Variants in GTPBP4 observed in about 807,000 individuals in gnomAD.
GTPBP4 encodes GTP binding protein 4.
GTPBP4 carries 15 observed loss-of-function variants against 81.7 expected under a neutral mutation model. That is an observed-to-expected ratio of 0.18 (90% CI 0.12 to 0.28). The LOEUF (loss-of-function observed/expected upper bound fraction) is 0.28, where lower values mean the gene tolerates loss of function less well. GTPBP4 is among the 10% of genes least tolerant of loss of function. The pLI is 1.00. For synonymous variants in GTPBP4, 272 were observed against 274.6 expected (o/e 0.99, Z 0.09); for missense variants, 847 against 793.8 (o/e 1.07, Z -0.81).
chr10:1,007,389 G>A (rs7073945), intron 10 of GTPBP4: 308,023 of 311,288 alleles, frequency 0.99, 152,480 homozygotes, highest in East Asian at 1. Flanking sequence ...TAGAAGATTA[G>A]TTTCTAAAAA....
chr10:1,013,332 G>T (rs909526854), intron 14 of GTPBP4, among the ~76,000 whole-genome samples: 1 of 151,344 alleles, frequency 6.6e-6, no homozygotes, highest in African/African-American at 2.4e-5. Flanking sequence ...TCTTTAGGCC[G>T]GGCGCAGTGG....
chr10:1,015,961 G>A (rs1831984772), intron 16 of GTPBP4, 65 bp downstream of exon 16: 1 of 1,414,254 alleles, frequency 7.1e-7, no homozygotes, highest in Non-Finnish European at 9.8e-7. Flanking sequence ...ACAGGGTTCA[G>A]GGCAAACACC....
intron 13 of GTPBP4, among the ~76,000 whole-genome samples, chr10:1,010,749 C>G (rs548946478): frequency 6.7e-6 from 1 of 148,158 alleles, no homozygotes; most frequent in African/African-American, 2.5e-5. Flanking sequence ...CCTCCACCCA[C>G]CCACCCCGGA....
rs779206640 is a variant in GTPBP4, at chr10:1,019,697, CG to C, written c.*2471del. The stretch of plus-strand genomic sequence containing the variant: ...CCTGGGACAGGTAGAGGATGCTTTT[CG>C]TTTCACTGGGATCCGGGTTCAGAGT... On this transcript the variant is annotated 3_prime_UTR_variant, in exon 17 of 17. Coordinates refer to ENST00000360803, the MANE Select transcript of GTPBP4 (RefSeq NM_012341.3). The C allele has an allele frequency of 6.2e-7, 1 of 1,614,012 alleles. No homozygotes were observed. The highest frequency in any genetic ancestry group is 2.2e-5 in the East Asian group (1 of 44,838).
intron 13 of GTPBP4, among the ~76,000 whole-genome samples, chr10:1,011,316 T>C (rs146416342): frequency 6.6e-6 from 1 of 152,316 alleles, no homozygotes; most frequent in Non-Finnish European, 1.5e-5. Flanking sequence ...TTTCTTAGCA[T>C]ATAAAAGTCC....
intron 2 of GTPBP4, among the ~76,000 whole-genome samples, 176 bp from the exon 3 acceptor site, chr10:995,753 C>T (rs750821503): frequency 2.6e-5 from 4 of 152,094 alleles, no homozygotes; most frequent in Non-Finnish European, 5.9e-5. Context: ...GCACCCGCAT[C>T]CCTTCTGATG....
chr10:991,143 G>A (rs1564464678), intron 1 of GTPBP4, among the ~76,000 whole-genome samples: 1 of 152,122 alleles, frequency 6.6e-6, no homozygotes. Flanking sequence ...GAGACTGGGC[G>A]TGCCCCTCAT....
At chr10:1,013,738 G>A (rs1356876481) in intron 14 of GTPBP4, among the ~76,000 whole-genome samples, 1 of 152,250 alleles carries the variant, frequency 6.6e-6, no homozygotes, top group Non-Finnish European at 1.5e-5. Context: ...CACATGCAGG[G>A]CAGTTAACAT....
At chr10:1,011,846 G>A (rs939125397) in intron 13 of GTPBP4, among the ~76,000 whole-genome samples, 4 of 152,212 alleles carry the variant, frequency 2.6e-5, no homozygotes, top group East Asian at 1.9e-4. Context: ...TGCAGTGCGC[G>A]CTCTTGGGCG....
chr10:990,941 A>G (rs1564464619), intron 1 of GTPBP4, among the ~76,000 whole-genome samples: 1 of 151,788 alleles, frequency 6.6e-6, no homozygotes, highest in African/African-American at 2.4e-5. Flanking sequence ...GTGCAGAAGA[A>G]CGTAGAGAAG....
intron 9 of GTPBP4, 106 bp from the exon 10 acceptor site, chr10:1,006,912 G>C (rs1357167299): frequency 5.5e-6 from 4 of 721,638 alleles, no homozygotes; most frequent in African/African-American, 1.7e-5. Flanking sequence ...TAGTTACCTT[G>C]AGGGAAAAGG....
At chr10:996,406 A>G in intron 4 of GTPBP4, 164 bp downstream of exon 4, 1 of 493,732 alleles carries the variant, frequency 2.0e-6, no homozygotes, top group South Asian at 4.7e-5. Context: ...GTTTTTATTG[A>G]AAATAAATAC....
chr10:1,016,079 C>G (rs1235117142), intron 16 of GTPBP4, among the ~76,000 whole-genome samples, 183 bp downstream of exon 16: 2 of 152,224 alleles, frequency 1.3e-5, no homozygotes, highest in African/African-American at 4.8e-5. Flanking sequence ...GTGGATGCCC[C>G]TGACAGCTGC....
chr10:997,989 A>C (rs1430213412), intron 5 of GTPBP4, among the ~76,000 whole-genome samples: 1 of 152,246 alleles, frequency 6.6e-6, no homozygotes, highest in Non-Finnish European at 1.5e-5. Context: ...TTAAAATGTG[A>C]ATTTACAACC....
chr10:1,008,218 G>C, intron 10 of GTPBP4: 1 of 439,644 alleles, frequency 2.3e-6, no homozygotes. Flanking sequence ...TCTGAGACCA[G>C]CCTGGCAATC....
chr10:1,010,757 G>A lies in GTPBP4; in HGVS notation c.1344+237G>A, dbSNP rs1461688099. Among the ~76,000 whole-genome samples the A allele has an allele frequency of 1.9e-3, 44 of 23,230 alleles. 1 individual carries two copies. Among genetic ancestry groups the A allele is most frequent in the African/African-American group, 6.1e-3 (42 of 6,844 alleles). The allele number at this position is 23,230 out of a possible 152,430, so 15.2% of individuals were successfully genotyped here. A position where few individuals can be genotyped will look rare whatever the true frequency, so the allele number is the denominator to read the frequency against. ...CCCGCCGCCTCCACCCACCCACCCC[G>A]GACACTCTGGTGGAGATGCTGGGCC... is the stretch of plus-strand genomic sequence containing the variant. On this transcript the variant is annotated intron_variant, in intron 13 of 16. Coordinates refer to ENST00000360803, the MANE Select transcript of GTPBP4 (RefSeq NM_012341.3).
At chr10:1,009,324 T>A (rs925233316) in intron 11 of GTPBP4, among the ~76,000 whole-genome samples, 2 of 151,932 alleles carry the variant, frequency 1.3e-5, no homozygotes, top group African/African-American at 4.8e-5. Context: ...GACAGGGAGA[T>A]AAGAAACAGC....
chr10:988,718 G>T (rs1831387450), intron 1 of GTPBP4, 191 bp downstream of exon 1: 1 of 596,094 alleles, frequency 1.7e-6, no homozygotes. Flanking sequence ...GTCCACCAGA[G>T]ATCGGATCCC....
chr10:993,285 C>T lies in GTPBP4; in HGVS notation c.219+626C>T, dbSNP rs142093373. Among the ~76,000 whole-genome samples the T allele has an allele frequency of 2.5e-3, 375 of 152,294 alleles. 2 individuals carry two copies. Among genetic ancestry groups the T allele is most frequent in the African/African-American group, 8.6e-3 (357 of 41,550 alleles). ...TCTTTTTTTTGGAGACTGAGTCTCA[C>T]TCTGTTGCCCAGGCTGGAGTGCAGT... On this transcript the variant is annotated intron_variant, in intron 2 of 16. Coordinates refer to ENST00000360803, the MANE Select transcript of GTPBP4 (RefSeq NM_012341.3).
Sources: gnomAD v4.1 joint callset for allele counts (sites outside exome capture counted in the v4.1 genomes callset) on GRCh38, gnomAD v4.1.1 for gene constraint, MANE v1.5 for transcripts, NCBI Gene and HGNC (gene_info 2026-07-23, HGNC 2026-07-21) for gene names.